Variants in TYW1B observed in about 807,000 individuals in gnomAD.
The protein encoded by TYW1B is tRNA-yW synthesizing protein 1 homolog B.
TYW1B carries 73 observed loss-of-function variants against 86.9 expected under a neutral mutation model. The observed-to-expected ratio is 0.84, with a 90% CI of 0.70 to 1.02. The LOEUF is 1.02. TYW1B is among the 50% of genes least tolerant of loss of function. The pLI, the probability that TYW1B is intolerant of heterozygous loss-of-function variation, is 0.00. For synonymous variants in TYW1B, 248 were observed against 292.8 expected (o/e 0.85, Z 1.56); for missense variants, 637 against 827.4 (o/e 0.77, Z 2.82).
intron 11 of TYW1B, among the ~76,000 whole-genome samples, chr7:72,655,207 G>A (rs71553253): frequency 6.6e-6 from 1 of 152,108 alleles, no homozygotes; most frequent in African/African-American, 2.4e-5. Context: ...CACAGAAGGA[G>A]AGGGGAAAGG....
At chr7:72,719,429 G>A (rs1479731736) in intron 9 of TYW1B, among the ~76,000 whole-genome samples, 1 of 151,786 alleles carries the variant, frequency 6.6e-6, no homozygotes, top group Non-Finnish European at 1.5e-5. Flanking sequence ...AGGGGTTCGA[G>A]ACCAGCCTGA....
chr7:72,750,229 G>A (rs1485061810), intron 7 of TYW1B, among the ~76,000 whole-genome samples: 1 of 152,018 alleles, frequency 6.6e-6, no homozygotes, highest in Non-Finnish European at 1.5e-5. Context: ...ACTTTCTTTA[G>A]CCAATATTTA....
At chr7:72,813,468 G>A (rs546477919) in intron 3 of TYW1B, among the ~76,000 whole-genome samples, 1 of 151,316 alleles carries the variant, frequency 6.6e-6, no homozygotes, top group Non-Finnish European at 1.5e-5. Context: ...GGGCCACCAC[G>A]CCCAGCCTCT....
chr7:72,636,772 T>C (rs1371669964), intron 11 of TYW1B, among the ~76,000 whole-genome samples: 4 of 152,356 alleles, frequency 2.6e-5, no homozygotes, highest in Middle Eastern at 3.4e-3. Context: ...CAGTTTTTCA[T>C]GGTTTTATAG....
At chr7:72,738,700 G>T (rs1256418090) in intron 8 of TYW1B, among the ~76,000 whole-genome samples, 11 of 152,228 alleles carry the variant, frequency 7.2e-5, no homozygotes, top group African/African-American at 2.6e-4. Context: ...CGATTTAACA[G>T]GATGACCTAA....
intron 11 of TYW1B, among the ~76,000 whole-genome samples, chr7:72,692,199 C>A (rs1184738400): frequency 1.0e-5 from 1 of 97,608 alleles, no homozygotes; most frequent in African/African-American, 4.2e-5. Context: ...GAAAGAGACT[C>A]CATCTCAAAA....
At chr7:72,711,536 C>A (rs2129570684) in intron 10 of TYW1B, among the ~76,000 whole-genome samples, 1 of 112,856 alleles carries the variant, frequency 8.9e-6, no homozygotes, top group South Asian at 3.2e-4. Context: ...GTGGCGTGAT[C>A]TTGGCTCACT....
intron 7 of TYW1B, among the ~76,000 whole-genome samples, chr7:72,747,324 T>C (rs1787413180): frequency 6.6e-6 from 1 of 152,200 alleles, no homozygotes; most frequent in African/African-American, 2.4e-5. Context: ...ATGTAAAAAG[T>C]ACCTTTTGCC....
rs1207436390 is a variant in TYW1B, at chr7:72,798,025, ACACACACACACACG to A, written c.846+4361_846+4374del. On this transcript the variant is annotated intron_variant, in intron 6 of 13. Transcript: ENST00000620995. ...TTTATATATATACACACACACACAC[ACACACACACACACG>A]CACACACATATATACATGCATATTT... 7.3e-3 allele frequency among the ~76,000 whole-genome samples: 843 copies of A among 114,986 alleles called. 11 individuals are homozygous for A. The highest frequency in any genetic ancestry group is 0.024 in the African/African-American group (821 of 33,736). 75.4% of individuals were successfully genotyped at this position (114,986 alleles called of 152,430 possible).
At chr7:72,599,256 A>C (rs1172208909) in intron 13 of TYW1B, among the ~76,000 whole-genome samples, 2 of 152,204 alleles carry the variant, frequency 1.3e-5, no homozygotes, top group Admixed American at 6.6e-5. Context: ...AATGTAATCC[A>C]TCATATCAAT....
chr7:72,602,870 A>ACACAC (rs1811699749), intron 13 of TYW1B, among the ~76,000 whole-genome samples: 2 of 151,612 alleles, frequency 1.3e-5, no homozygotes, highest in South Asian at 4.2e-4. Context: ...ACACACACAC[A>ACACAC]CACACACACA....
intron 13 of TYW1B, among the ~76,000 whole-genome samples, chr7:72,589,781 C>A (rs1338051847): frequency 6.6e-6 from 1 of 152,156 alleles, no homozygotes; most frequent in African/African-American, 2.4e-5. Context: ...GAGGCTGAGG[C>A]AGGAGAATCA....
chr7:72,737,993 C>T (rs35916388), intron 8 of TYW1B, among the ~76,000 whole-genome samples: 4 of 151,794 alleles, frequency 2.6e-5, no homozygotes, highest in Admixed American at 6.6e-5. Context: ...CCAGGATGGT[C>T]TCGATCTCCT....
At chr7:72,706,154 C>A (rs1814607811) in intron 10 of TYW1B, among the ~76,000 whole-genome samples, 2 of 152,104 alleles carry the variant, frequency 1.3e-5, no homozygotes. Context: ...TCCGGCCAGG[C>A]ACAGTGGCTC....
chr7:72,652,373 GTCT>G (rs1813083285), intron 11 of TYW1B, among the ~76,000 whole-genome samples: 1 of 68,542 alleles, frequency 1.5e-5, no homozygotes, highest in Non-Finnish European at 2.6e-5. Flanking sequence ...GCAAGACTCT[GTCT>G]GAAAAAAAAA....
At chr7:72,680,356 A>G (rs3015919) in intron 11 of TYW1B, among the ~76,000 whole-genome samples, 120,545 of 151,834 alleles carry the variant, frequency 0.79, 48,387 homozygotes, top group Middle Eastern at 0.87. Context: ...GCAGAAGAAC[A>G]TGGAAAAACT....
chr7:72,712,007 G>A (rs1490556760), intron 10 of TYW1B, among the ~76,000 whole-genome samples: 4 of 152,032 alleles, frequency 2.6e-5, no homozygotes, highest in Admixed American at 6.6e-5. Context: ...CATAACAGAT[G>A]AGTAAATGTA....
intron 12 of TYW1B, among the ~76,000 whole-genome samples, chr7:72,622,751 A>C (rs1295501350): frequency 1.4e-4 from 21 of 151,470 alleles, no homozygotes; most frequent in Non-Finnish European, 2.8e-4. Flanking sequence ...AACACACACA[A>C]GTGCACACAC....
chr7:72,799,741 A>T (rs73129481), intron 6 of TYW1B, among the ~76,000 whole-genome samples: 104,288 of 151,942 alleles, frequency 0.69, 36,708 homozygotes, highest in Non-Finnish European at 0.77. Flanking sequence ...CTGGGATTAC[A>T]GGCATGAGCC....
Sources: allele counts gnomAD v4.1 joint callset (sites outside exome capture counted in the v4.1 genomes callset), GRCh38; gene constraint gnomAD v4.1.1; transcripts MANE v1.5; gene names NCBI Gene and HGNC (gene_info 2026-07-23, HGNC 2026-07-21).